The following ANGPT1 variants were observed in gnomAD, a reference collection of about 807,000 sequenced individuals.
ANGPT1 encodes angiopoietin-1.
Under a neutral mutation model 62.2 loss-of-function variants are expected in ANGPT1, and 17 were observed. The observed-to-expected ratio is 0.27, with a 90% CI of 0.19 to 0.41. The LOEUF is 0.41. Among genes scored for constraint, ANGPT1 ranks in the 10% least tolerant of loss-of-function variants. The pLI, the probability that ANGPT1 is intolerant of heterozygous loss-of-function variation, is 1.00. For missense variants in ANGPT1, 478 were observed against 594.9 expected (o/e 0.80, Z 2.04); for synonymous variants, 199 against 198.9 (o/e 1.00, Z 0.00).
At chr8:107,268,223 T>G (rs1813659199) in intron 7 of ANGPT1, among the ~76,000 whole-genome samples, 1 of 152,112 alleles carries the variant, frequency 6.6e-6, no homozygotes, top group South Asian at 2.1e-4. Flanking sequence ...TAATTTTTGG[T>G]AAGCTCAAGG....
chr8:107,384,641 G>GA (rs1449109855), intron 1 of ANGPT1, among the ~76,000 whole-genome samples: 1 of 151,952 alleles, frequency 6.6e-6, no homozygotes, highest in African/African-American at 2.4e-5. Context: ...CTTATAAGAG[G>GA]AAAAAGGGTA....
chr8:107,346,925 C>T lies in ANGPT1; in HGVS notation c.453+17G>A, dbSNP rs777784139. ...TTTTTCCTTGTTGAGTCTGTGGACT[C>T]TGGCCCTGGGGTGTACCTGGGTCTC... On this transcript the variant is annotated intron_variant, in intron 2 of 8. Transcript: ENST00000517746. The T allele has an allele frequency of 4.0e-5, 63 of 1,588,582 alleles. No individual in the cohort carries two copies. In the Middle Eastern group the frequency reaches 6.8e-4, roughly 17 times the overall value.
At chr8:107,274,316 C>A (rs1487609811) in intron 7 of ANGPT1, among the ~76,000 whole-genome samples, 1 of 152,060 alleles carries the variant, frequency 6.6e-6, no homozygotes, top group African/African-American at 2.4e-5. Context: ...TGGTGGTTGG[C>A]TGGCTGGATA....
chr8:107,254,542 G>C (rs1813315187), intron 8 of ANGPT1, among the ~76,000 whole-genome samples: 1 of 152,074 alleles, frequency 6.6e-6, no homozygotes, highest in African/African-American at 2.4e-5. Flanking sequence ...CTCTGAAGGA[G>C]AATAACTTGA....
At chr8:107,331,861 A>G (rs933492272) in intron 3 of ANGPT1, among the ~76,000 whole-genome samples, 6 of 152,116 alleles carry the variant, frequency 3.9e-5, no homozygotes, top group African/African-American at 9.7e-5. Flanking sequence ...CACAATCAAG[A>G]AAGCCCGTGT....
intron 1 of ANGPT1, among the ~76,000 whole-genome samples, chr8:107,362,174 T>G (rs893873198): frequency 6.6e-6 from 1 of 152,228 alleles, no homozygotes; most frequent in Non-Finnish European, 1.5e-5. Context: ...GAGCATTTAC[T>G]CAGTAAGTTT....
intron 7 of ANGPT1, among the ~76,000 whole-genome samples, chr8:107,269,817 T>C (rs969471053): frequency 1.3e-5 from 2 of 149,044 alleles, no homozygotes; most frequent in African/African-American, 4.9e-5. Context: ...TTTCTCCTAA[T>C]AAAGAAAAAA....
At chr8:107,285,817 G>A (rs150716283) in intron 6 of ANGPT1, among the ~76,000 whole-genome samples, 60 of 152,008 alleles carry the variant, frequency 3.9e-4, no homozygotes, top group African/African-American at 1.4e-3. Flanking sequence ...TGTAATTCTT[G>A]ATCTACATAT....
At chr8:107,449,160 G>C (rs1018690191) in intron 1 of ANGPT1, among the ~76,000 whole-genome samples, 1 of 152,086 alleles carries the variant, frequency 6.6e-6, no homozygotes, top group South Asian at 2.1e-4. Context: ...TCATTTACTT[G>C]TCCCTACATC....
chr8:107,478,661 C>T (rs1812597489), intron 1 of ANGPT1, among the ~76,000 whole-genome samples: 1 of 152,044 alleles, frequency 6.6e-6, no homozygotes, highest in Admixed American at 6.5e-5. Flanking sequence ...TCAATTTTTC[C>T]ATTAAAAATT....
At chr8:107,425,610 G>T (rs1280749932) in intron 1 of ANGPT1, among the ~76,000 whole-genome samples, 1 of 152,126 alleles carries the variant, frequency 6.6e-6, no homozygotes, top group African/African-American at 2.4e-5. Flanking sequence ...CCCAGTCATA[G>T]AAACTAAATC....
chr8:107,455,152 G>A (rs996054208), intron 1 of ANGPT1, among the ~76,000 whole-genome samples: 1 of 152,014 alleles, frequency 6.6e-6, no homozygotes, highest in Non-Finnish European at 1.5e-5. Flanking sequence ...AAGAGTGTAA[G>A]GACAAGACCT....
intron 1 of ANGPT1, among the ~76,000 whole-genome samples, chr8:107,364,888 G>A (rs1056905756): frequency 3.3e-5 from 5 of 152,114 alleles, no homozygotes; most frequent in Admixed American, 1.3e-4. Context: ...TGCAGTGAAC[G>A]CAGTTCCTAG....
chr8:107,406,605 G>A (rs1369653194), intron 1 of ANGPT1, among the ~76,000 whole-genome samples: 1 of 151,944 alleles, frequency 6.6e-6, no homozygotes, highest in African/African-American at 2.4e-5. Flanking sequence ...TAAGTATGTA[G>A]TCTTTCGAGT....
At chr8:107,448,907 A>G (rs886082278) in intron 1 of ANGPT1, among the ~76,000 whole-genome samples, 1 of 152,072 alleles carries the variant, frequency 6.6e-6, no homozygotes, top group Non-Finnish European at 1.5e-5. Context: ...TTGGACACAG[A>G]GAGATTTTTG....
At chr8:107,252,622 A>T (rs549732310) in intron 8 of ANGPT1, among the ~76,000 whole-genome samples, 1 of 152,236 alleles carries the variant, frequency 6.6e-6, no homozygotes, top group Non-Finnish European at 1.5e-5. Context: ...CAGTAGAAAA[A>T]GTGTTCAGCA....
At chr8:107,478,232 A>G (rs1812585187) in intron 1 of ANGPT1, among the ~76,000 whole-genome samples, 1 of 149,528 alleles carries the variant, frequency 6.7e-6, no homozygotes, top group Non-Finnish European at 1.5e-5. Context: ...ATTTGGCCTC[A>G]GTCTAAATAT....
intron 3 of ANGPT1, among the ~76,000 whole-genome samples, chr8:107,335,389 G>T (rs192693489): frequency 6.6e-6 from 1 of 152,102 alleles, no homozygotes; most frequent in African/African-American, 2.4e-5. Context: ...TAGATACCCC[G>T]AAGAAAAATC....
At chr8:107,385,584 A>G (rs1816717062) in intron 1 of ANGPT1, among the ~76,000 whole-genome samples, 1 of 152,082 alleles carries the variant, frequency 6.6e-6, no homozygotes, top group Non-Finnish European at 1.5e-5. Context: ...AAAGAAAGAT[A>G]GTTTAACTTC....
Sources: allele counts gnomAD v4.1 joint callset (sites outside exome capture counted in the v4.1 genomes callset), GRCh38; gene constraint gnomAD v4.1.1; transcripts MANE v1.5; gene names NCBI Gene and HGNC (gene_info 2026-07-23, HGNC 2026-07-21).